NDC1: variants seen among roughly 807,000 people sequenced by gnomAD.
The protein encoded by NDC1 is nucleoporin NDC1.
NDC1 carries 24 observed loss-of-function variants against 89.8 expected under a neutral mutation model. The ratio of observed to expected loss-of-function variants is 0.27; its 90% CI spans 0.19 to 0.38. The LOEUF (loss-of-function observed/expected upper bound fraction) is 0.38, where lower values mean the gene tolerates loss of function less well. Among genes scored for constraint, NDC1 ranks in the 10% least tolerant of loss-of-function variants. The pLI is 1.00. For synonymous variants in NDC1, 296 were observed against 284.8 expected (o/e 1.04, Z -0.39); for missense variants, 728 against 797.6 (o/e 0.91, Z 1.05).
chr1:53,812,184 A>G (rs949118264), intron 6 of NDC1, among the ~76,000 whole-genome samples: 1 of 152,202 alleles, frequency 6.6e-6, no homozygotes, highest in African/African-American at 2.4e-5. Context: ...CCCTGGTAAT[A>G]TGACTATACA....
intron 16 of NDC1, among the ~76,000 whole-genome samples, chr1:53,779,507 G>A (rs536300120): frequency 6.6e-6 from 1 of 152,228 alleles, no homozygotes; most frequent in Non-Finnish European, 1.5e-5. Context: ...TCTGATTCCA[G>A]ATCTCACACT....
rs756197657 is a variant in NDC1 at position 53,835,615 on chromosome 1, C to T, written c.63G>A (p.Leu21=). 6.2e-7 allele frequency: 1 copy of T among 1,607,728 alleles called. No individual in the cohort carries two copies. Among genetic ancestry groups the T allele is most frequent in the Admixed American group, 1.7e-5 (1 of 58,318 alleles). The part of the protein sequence containing the change: ...GRSRDILWRV[L]GWRIVASIVW... ...CAATACTTGCAACTATCCTCCAGCC[C>T]AAAACCTATAAACAAAAAGAAAAAC... is the stretch of plus-strand genomic sequence containing the variant. The change falls in exon 2 of 18, where the codon TTG becomes TTA. Residue 21 remains leucine, a synonymous_variant. Coordinates refer to ENST00000371429, the MANE Select transcript of NDC1 (RefSeq NM_018087.5).
chr1:53,807,733 G>A lies in NDC1; in HGVS notation c.814C>T (p.His272Tyr), dbSNP rs144862626. 28 of 1,613,748 alleles carry A rather than the reference G, an allele frequency of 1.7e-5. No individual in the cohort carries two copies. In the African/African-American group the frequency reaches 3.7e-4, roughly 22 times the overall value. ...AGAAAGACACCACACAGCCAGACAT[G>A]GTAGAGTAACGAGAGATTTAAGAGG... ...SGLLNLSLLY[H>Y]VWLCGVFLLT... The change falls in exon 8 of 18, where the codon CAT becomes TAT. Residue 272 changes from histidine (H) to tyrosine (Y), a missense_variant. Coordinates refer to ENST00000371429, the MANE Select transcript of NDC1 (RefSeq NM_018087.5).
In NDC1 at chr1:53,770,549, C is replaced by T. The variant is rs939814837; in HGVS notation, c.1961+1780G>A. 9.9e-5 allele frequency among the ~76,000 whole-genome samples: 15 copies of T among 152,178 alleles called. 1 individual carries two copies. Among genetic ancestry groups the T allele is most frequent in the African/African-American group, 3.1e-4 (13 of 41,522 alleles). On this transcript the variant is annotated intron_variant, in intron 17 of 17. Coordinates refer to ENST00000371429, the MANE Select transcript of NDC1 (RefSeq NM_018087.5). Reference sequence around the variant, plus strand: ...CTCAAACTCCTGACCTCAGATGATCCGCCCGCCTTGGCCTCCCAAAGTGCT... The same window carrying T: ...CTCAAACTCCTGACCTCAGATGATCTGCCCGCCTTGGCCTCCCAAAGTGCT...
At position 53,794,426 on chromosome 1, in the gene NDC1, C is replaced by T. The variant is rs572593691; in HGVS notation, c.1585-1147G>A. Among the ~76,000 whole-genome samples, 8 of 152,268 alleles carry T rather than the reference C, an allele frequency of 5.3e-5. No homozygotes were observed. In the East Asian group the frequency reaches 1.5e-3, roughly 29 times the overall value. The stretch of plus-strand genomic sequence containing the variant: ...AGTCAGAAGGCTGCAGCAAGCAGCA[C>T]GTGTCTGGTTGGGTAGAAAGTGACA... On this transcript the variant is annotated intron_variant, in intron 13 of 17. Coordinates refer to ENST00000371429, the MANE Select transcript of NDC1 (RefSeq NM_018087.5).
chr1:53,797,180 CT>C, intron 11 of NDC1, 36 bp from the exon 12 acceptor site: 3 of 1,602,784 alleles, frequency 1.9e-6, no homozygotes, highest in Non-Finnish European at 1.7e-6. Flanking sequence ...AAGAGGCAAC[CT>C]GATCCAAGCA....
At chr1:53,807,510 G>A in intron 8 of NDC1, 146 bp downstream of exon 8, 2 of 546,124 alleles carry the variant, frequency 3.7e-6, no homozygotes, top group Admixed American at 3.8e-5. Flanking sequence ...GGTTACAAAT[G>A]ATATGGCCCC....
intron 1 of NDC1, among the ~76,000 whole-genome samples, chr1:53,837,805 G>C (rs891073039): frequency 3.3e-5 from 5 of 152,112 alleles, no homozygotes; most frequent in African/African-American, 1.2e-4. Context: ...CTGCTTACTG[G>C]ACCCTAACCC....
intron 5 of NDC1, among the ~76,000 whole-genome samples, chr1:53,824,624 C>T (rs1022119884): frequency 8.5e-5 from 13 of 152,124 alleles, no homozygotes; most frequent in Admixed American, 6.6e-4. Context: ...TGCGAAGAGC[C>T]CTGATGCATC....
chr1:53,790,973 C>T (rs1450783646), intron 14 of NDC1, among the ~76,000 whole-genome samples: 1 of 152,074 alleles, frequency 6.6e-6, no homozygotes, highest in African/African-American at 2.4e-5. Context: ...TGGTATCAAA[C>T]ATTGGATTTA....
At chr1:53,782,386 C>T (rs945536268) in intron 16 of NDC1, among the ~76,000 whole-genome samples, 3 of 152,124 alleles carry the variant, frequency 2.0e-5, no homozygotes, top group Non-Finnish European at 2.9e-5. Flanking sequence ...AATGGAACTG[C>T]CACATGGGTG....
chr1:53,784,417 G>C (rs764875805), intron 16 of NDC1, among the ~76,000 whole-genome samples: 3 of 152,200 alleles, frequency 2.0e-5, no homozygotes, highest in Non-Finnish European at 4.4e-5. Context: ...AACACTTTGG[G>C]AGGCCGAGGC....
chr1:53,793,387 A>G, intron 13 of NDC1, 108 bp from the exon 14 acceptor site: 1 of 851,354 alleles, frequency 1.2e-6, no homozygotes, highest in Non-Finnish European at 2.0e-6. Flanking sequence ...AAAATGAAAC[A>G]CTTCACATCT....
intron 6 of NDC1, among the ~76,000 whole-genome samples, chr1:53,817,973 GT>G (rs1355122059): frequency 6.6e-6 from 1 of 151,990 alleles, no homozygotes; most frequent in African/African-American, 2.4e-5. Context: ...AATTCCACAA[GT>G]TTCCCCTACC....
intron 10 of NDC1, among the ~76,000 whole-genome samples, chr1:53,801,304 C>A (rs1180491235): frequency 6.6e-6 from 1 of 152,128 alleles, no homozygotes; most frequent in Admixed American, 6.5e-5. Context: ...TTGCGTCTGA[C>A]CCCCTGGGCT....
At chr1:53,773,194 C>T (rs548543024) in intron 16 of NDC1, among the ~76,000 whole-genome samples, 1 of 151,768 alleles carries the variant, frequency 6.6e-6, no homozygotes, top group Non-Finnish European at 1.5e-5. Flanking sequence ...ATTTATGATA[C>T]TGTTACATCA....
chr1:53,805,014 G>A (rs772276198), intron 9 of NDC1, among the ~76,000 whole-genome samples: 21 of 152,076 alleles, frequency 1.4e-4, no homozygotes, highest in Non-Finnish European at 2.8e-4. Flanking sequence ...AGAGACTGAC[G>A]TACCACTAAA....
chr1:53,782,932 T>A (rs1647226931), intron 16 of NDC1, among the ~76,000 whole-genome samples: 1 of 152,240 alleles, frequency 6.6e-6, no homozygotes, highest in Admixed American at 6.5e-5. Context: ...TATTACTATA[T>A]CATAAATTTA....
intron 5 of NDC1, among the ~76,000 whole-genome samples, chr1:53,819,332 C>T (rs1648582065): frequency 6.6e-6 from 1 of 152,192 alleles, no homozygotes; most frequent in Non-Finnish European, 1.5e-5. Context: ...ATACTTGGTA[C>T]TAAGCACTAT....
Sources: gnomAD v4.1 joint callset for allele counts (sites outside exome capture counted in the v4.1 genomes callset) on GRCh38, gnomAD v4.1.1 for gene constraint, MANE v1.5 for transcripts, NCBI Gene and HGNC (gene_info 2026-07-23, HGNC 2026-07-21) for gene names.